The following ITGAV variants were observed in gnomAD, a reference collection of about 807,000 sequenced individuals.
The protein encoded by ITGAV is integrin alpha-V.
A neutral mutation model predicts 143.8 loss-of-function variants in ITGAV; 76 were observed. That is an observed-to-expected ratio of 0.53 (90% confidence interval 0.44 to 0.64). The LOEUF is 0.64. Among genes scored for constraint, ITGAV ranks in the 30% least tolerant of loss-of-function variants. The pLI, the probability that ITGAV is intolerant of heterozygous loss-of-function variation, is 0.00. For synonymous variants in ITGAV, 453 were observed against 446.7 expected (o/e 1.01, Z -0.18); for missense variants, 1,193 against 1,274.7 (o/e 0.94, Z 0.98).
At chr2:186,652,491 C>T (rs577090609) in intron 15 of ITGAV, among the ~76,000 whole-genome samples, 1 of 152,228 alleles carries the variant, frequency 6.6e-6, no homozygotes, top group South Asian at 2.1e-4. Flanking sequence ...TTGCACCTGG[C>T]CTTATACTCT....
chr2:186,604,595 C>A (rs1687005217), intron 2 of ITGAV, among the ~76,000 whole-genome samples: 1 of 151,974 alleles, frequency 6.6e-6, no homozygotes, highest in African/African-American at 2.4e-5. Flanking sequence ...AAGTTTACAC[C>A]CCTCCAGTTG....
intron 1 of ITGAV, among the ~76,000 whole-genome samples, chr2:186,595,496 C>T (rs1686726451): frequency 6.6e-6 from 1 of 151,830 alleles, no homozygotes; most frequent in Non-Finnish European, 1.5e-5. Flanking sequence ...CTGTATCGCT[C>T]TCTCTTTTTT....
rs1010721386 is a variant in ITGAV at position 186,623,350 on chromosome 2, C to CT, written c.408+930dup. ...GCATTATTCAGAATGGTCAACATCC[C>CT]TTTTTTTTTTAGAACTAAATTTTTC... On this transcript the variant is annotated intron_variant, in intron 3 of 29. Coordinates refer to ENST00000261023, the MANE Select transcript of ITGAV (RefSeq NM_002210.5). Among the ~76,000 whole-genome samples the CT allele has an allele frequency of 2.0e-4, 30 of 148,256 alleles. No homozygotes were observed. The East Asian group carries it at 2.4e-3, about 12-fold the overall frequency.
intron 5 of ITGAV, among the ~76,000 whole-genome samples, chr2:186,632,497 A>T (rs1290703424): frequency 6.6e-6 from 1 of 152,166 alleles, no homozygotes; most frequent in African/African-American, 2.4e-5. Context: ...GGGAAAAAAA[A>T]TTTATCTTAC....
intron 2 of ITGAV, among the ~76,000 whole-genome samples, chr2:186,620,649 G>C (rs1372737824): frequency 6.6e-6 from 1 of 152,166 alleles, no homozygotes; most frequent in Non-Finnish European, 1.5e-5. Flanking sequence ...TGTAGACCCA[G>C]CTACTGTGGC....
rs1688855625 is a variant in ITGAV, at chr2:186,665,150, T to C, written c.2098T>C (p.Phe700Leu). The change falls in exon 21 of 30, where the codon TTT becomes CTT. Residue 700 changes from phenylalanine (F) to leucine (L), a missense_variant. Phe to Leu is a conservative substitution (Grantham distance 22, BLOSUM62 0). Coordinates refer to ENST00000261023, the MANE Select transcript of ITGAV (RefSeq NM_002210.5). ...GGCCTTAGCAAGACTTTCCTGTGCA[T>C]TTAAGACAGAAAACCAAACTCGCCA... The part of the protein sequence containing the change: ...NEALARLSCA[F>L]KTENQTRQVV... 4 of 1,611,044 alleles carry C rather than the reference T, an allele frequency of 2.5e-6. No individual in the cohort carries two copies. The highest frequency in any genetic ancestry group is 1.7e-6 in the Non-Finnish European group (2 of 1,178,622).
chr2:186,610,042 T>G (rs930551026), intron 2 of ITGAV, among the ~76,000 whole-genome samples: 1 of 152,108 alleles, frequency 6.6e-6, no homozygotes, highest in Non-Finnish European at 1.5e-5. Flanking sequence ...CCTTGTAGAT[T>G]TCACATGAAC....
chr2:186,662,535 T>C (rs1290291568), intron 18 of ITGAV, among the ~76,000 whole-genome samples: 1 of 152,242 alleles, frequency 6.6e-6, no homozygotes, highest in Non-Finnish European at 1.5e-5. Context: ...ATTCTCTTAC[T>C]GCAAAACTTT....
intron 4 of ITGAV, among the ~76,000 whole-genome samples, 193 bp from the exon 5 acceptor site, chr2:186,630,604 C>T (rs560970450): frequency 4.0e-5 from 6 of 151,788 alleles, no homozygotes; most frequent in Non-Finnish European, 5.9e-5. Flanking sequence ...TCTTCGTTTC[C>T]GTATCTGAGT....
chr2:186,649,371 A>G (rs1404309952), intron 13 of ITGAV, among the ~76,000 whole-genome samples: 2 of 151,878 alleles, frequency 1.3e-5, no homozygotes, highest in African/African-American at 2.4e-5. Flanking sequence ...TGAATCGTGA[A>G]CCAGTTGAAC....
In ITGAV at chr2:186,679,907, C is replaced by T. The variant is rs912728998; in HGVS notation, c.*2615C>T. The T allele has an allele frequency of 6.6e-6, 1 of 152,024 alleles. No individual in the cohort carries two copies. The highest frequency in any genetic ancestry group is 2.4e-5 in the African/African-American group (1 of 41,438). The allele number at this position is 152,024 out of a possible 1,614,324, so 9.4% of individuals were successfully genotyped here. On this transcript the variant is annotated 3_prime_UTR_variant, in exon 30 of 30. Coordinates refer to ENST00000261023, the MANE Select transcript of ITGAV (RefSeq NM_002210.5). ...CTTATTCATAGTTAATTCTCATTAA[C>T]ACTTACATTTCCATAAAGAAAACTC...
At chr2:186,661,321 TG>T (rs1688737873) in intron 18 of ITGAV, among the ~76,000 whole-genome samples, 1 of 152,216 alleles carries the variant, frequency 6.6e-6, no homozygotes, top group South Asian at 2.1e-4. Context: ...CTAAAAGTTT[TG>T]TAGTAAGAGA....
intron 2 of ITGAV, among the ~76,000 whole-genome samples, chr2:186,621,699 T>C (rs1687529331): frequency 6.6e-6 from 1 of 152,200 alleles, no homozygotes; most frequent in Non-Finnish European, 1.5e-5. Flanking sequence ...AGTAAACTTA[T>C]ATTGGTAAGA....
At chr2:186,641,050 T>C in intron 11 of ITGAV, 83 bp downstream of exon 11, 1 of 1,035,650 alleles carries the variant, frequency 9.7e-7, no homozygotes, top group Non-Finnish European at 1.4e-6. Flanking sequence ...TTTTTTCTTC[T>C]GTTTTTGTAT....
chr2:186,667,195 T>A lies in ITGAV; in HGVS notation c.2292T>A (p.Val764=). 1 of 1,612,856 alleles carries A rather than the reference T, an allele frequency of 6.2e-7. No individual in the cohort carries two copies. Among genetic ancestry groups the A allele is most frequent in the Non-Finnish European group, 8.5e-7 (1 of 1,179,142 alleles). ...TAAGCCCAGTTGTATCTCACAAAGTTGATCTTGCTGTTTTAGCTGCAGTTG... is the reference window on the plus strand; with the variant it reads ...TAAGCCCAGTTGTATCTCACAAAGTAGATCTTGCTGTTTTAGCTGCAGTTG... The part of the protein sequence containing the change: ...DKVSPVVSHK[V]DLAVLAAVEI... Residue 764 remains valine (V), a synonymous_variant, in exon 23 of 30, where the codon GTT becomes GTA. Coordinates refer to ENST00000261023, the MANE Select transcript of ITGAV (RefSeq NM_002210.5).
At chr2:186,636,256 C>G (rs1687944597) in intron 7 of ITGAV, 49 bp downstream of exon 7, 3 of 1,454,048 alleles carry the variant, frequency 2.1e-6, no homozygotes, top group East Asian at 2.3e-5. Context: ...GTACATATAT[C>G]TTATATCTGA....
At chr2:186,651,666 C>CG (rs1020372176) in intron 14 of ITGAV, among the ~76,000 whole-genome samples, 1 of 152,002 alleles carries the variant, frequency 6.6e-6, no homozygotes, top group African/African-American at 2.4e-5. Flanking sequence ...GCAGCGAATT[C>CG]GGTAGATATC....
At position 186,646,739 on chromosome 2, in the gene ITGAV, A is replaced by G. The variant is rs3738918; in HGVS notation, c.1213A>G (p.Ile405Val). 0.011 allele frequency: 17,032 copies of G among 1,609,290 alleles called. 570 individuals are homozygous for G. Among genetic ancestry groups the G allele is most frequent in the Admixed American group, 0.082 (4,876 of 59,672 alleles). The change falls in exon 13 of 30, where the codon ATC (isoleucine) becomes GTC (valine). Residue 405 changes from isoleucine (I) to valine (V), a missense_variant. By Grantham distance (29) the Ile-to-Val change is conservative (BLOSUM62 3). Transcript: ENST00000261023. ...TGAAGATAAAAAAGGAATTGTTTATATCTTCAATGGAAGATCAACAGGCTT... is the reference window on the plus strand; with the variant it reads ...TGAAGATAAAAAAGGAATTGTTTATGTCTTCAATGGAAGATCAACAGGCTT... ...GGEDKKGIVYIFNGRSTGLNA... is the reference protein window; with the variant it reads ...GGEDKKGIVYVFNGRSTGLNA...
chr2:186,670,059 A>G (rs962971864), intron 26 of ITGAV: 4 of 431,728 alleles, frequency 9.3e-6, no homozygotes, highest in East Asian at 5.0e-5. Context: ...CTCCTACTCT[A>G]GTTCTTTAAC....
Sources: gnomAD v4.1 joint callset for allele counts (sites outside exome capture counted in the v4.1 genomes callset) on GRCh38, gnomAD v4.1.1 for gene constraint, MANE v1.5 for transcripts, NCBI Gene and HGNC (gene_info 2026-07-23, HGNC 2026-07-21) for gene names.